FRYL: variants seen among roughly 807,000 people sequenced by gnomAD.
The protein encoded by FRYL is FRY like transcription coactivator.
In FRYL, 150 loss-of-function variants were observed where a neutral mutation model predicts 351.2. The ratio of observed to expected loss-of-function variants is 0.43; its 90% CI spans 0.37 to 0.49. The LOEUF (loss-of-function observed/expected upper bound fraction) is 0.49, where lower values mean the gene tolerates loss of function less well. FRYL is among the 20% of genes least tolerant of loss of function. The pLI, the probability that FRYL is intolerant of heterozygous loss-of-function variation, is 0.00. For synonymous variants in FRYL, 1,153 were observed against 1,257.1 expected (o/e 0.92, Z 1.75); for missense variants, 3,036 against 3,619.3 (o/e 0.84, Z 4.13).
rs746710034 is a variant in FRYL at position 48,528,296 on chromosome 4, G to A, written c.6944C>T (p.Ala2315Val). The A allele has an allele frequency of 4.3e-6, 7 of 1,613,006 alleles. No individual in the cohort carries two copies. Among genetic ancestry groups the A allele is most frequent in the African/African-American group, 2.7e-5 (2 of 74,854 alleles). The change falls in exon 51 of 64, where the codon GCG becomes GTG. Residue 2315 changes from alanine to valine, a missense_variant. Around this residue, in one of 7 missense-constraint regions of FRYL, gnomAD observed 1,987 missense variants for 2,311.7 expected, o/e 0.86. Coordinates refer to ENST00000358350, the MANE Select transcript of FRYL (RefSeq NM_015030.2). Reference sequence around the variant, plus strand: ...TTTTGGTTTCCCATTTCTTCCAGCCGCACTGTGCTGATCACCATATTTGTT... The same window carrying A: ...TTTTGGTTTCCCATTTCTTCCAGCCACACTGTGCTGATCACCATATTTGTT... ...IGNKYGDQHSAAGRNGKPKVI... is the reference protein window; with the variant it reads ...IGNKYGDQHSVAGRNGKPKVI...
At chr4:48,580,719 T>C (rs1740700542) in intron 22 of FRYL, 146 bp downstream of exon 22, 3 of 522,286 alleles carry the variant, frequency 5.7e-6, no homozygotes, top group Non-Finnish European at 1.0e-5. Flanking sequence ...GTACTACTCT[T>C]AAGCATTTTC....
intron 1 of FRYL, among the ~76,000 whole-genome samples, chr4:48,756,475 T>C (rs747907518): frequency 3.9e-5 from 6 of 152,172 alleles, no homozygotes; most frequent in Non-Finnish European, 5.9e-5. Flanking sequence ...AGCCATCTGT[T>C]GTTTGGTATT....
intron 3 of FRYL, among the ~76,000 whole-genome samples, chr4:48,647,870 T>A (rs1427919021): frequency 6.6e-6 from 1 of 152,134 alleles, no homozygotes; most frequent in African/African-American, 2.4e-5. Context: ...AAGCAATAGG[T>A]GATTCTTTTC....
At chr4:48,524,317 G>A (rs1001920946) in intron 53 of FRYL, among the ~76,000 whole-genome samples, 1 of 151,862 alleles carries the variant, frequency 6.6e-6, no homozygotes, top group African/African-American at 2.4e-5. Context: ...CTTTGAATCT[G>A]TCCCGGCTGT....
chr4:48,752,994 G>C (rs150978277), intron 1 of FRYL, among the ~76,000 whole-genome samples: 20 of 152,250 alleles, frequency 1.3e-4, no homozygotes, highest in African/African-American at 4.8e-4. Flanking sequence ...TTAGGTGGTT[G>C]AGGGGTCGGG....
At chr4:48,586,773 T>G (rs764939459) in intron 18 of FRYL, 45 bp from the exon 19 acceptor site, 1 of 1,283,968 alleles carries the variant, frequency 7.8e-7, no homozygotes, top group Non-Finnish European at 1.1e-6. Context: ...TTACATATGC[T>G]AGACAATGAA....
chr4:48,625,460 G>A (rs549561021), intron 4 of FRYL, among the ~76,000 whole-genome samples: 17 of 152,146 alleles, frequency 1.1e-4, no homozygotes, highest in African/African-American at 4.1e-4. Context: ...AACCAACCTT[G>A]GATCAAAAGC....
chr4:48,653,890 C>T (rs1758238585), intron 3 of FRYL: 2 of 1,265,114 alleles, frequency 1.6e-6, no homozygotes, highest in Non-Finnish European at 2.0e-6. Flanking sequence ...GCCGCTGTCC[C>T]TTCTCTTCTC....
At chr4:48,689,924 TCA>T (rs1472163173) in intron 2 of FRYL, among the ~76,000 whole-genome samples, 1 of 148,726 alleles carries the variant, frequency 6.7e-6, no homozygotes, top group African/African-American at 2.5e-5. Flanking sequence ...AGACGGAGTC[TCA>T]CTCTTTGTCA....
Position 48,499,268 on chromosome 4 carries a change from A to ATCTT in FRYL, c.*150_*153dup. On this transcript the variant is annotated 3_prime_UTR_variant, in exon 64 of 64. Transcript: ENST00000358350. ...AATATCAGATGTTTTTTTCTTTCAGATCTTTGTTTTTGATGATACAGTTTG... is the reference window on the plus strand; with the variant it reads ...AATATCAGATGTTTTTTTCTTTCAGATCTTTCTTTGTTTTTGATGATACAGTTTG... 1.5e-6 allele frequency: 1 copy of ATCTT among 645,528 alleles called. No homozygotes were observed. The highest frequency in any genetic ancestry group is 2.7e-6 in the Non-Finnish European group (1 of 374,024). 40.0% of individuals were successfully genotyped at this position (645,528 alleles called of 1,614,324 possible).
chr4:48,670,692 T>G (rs1400025912), intron 3 of FRYL, among the ~76,000 whole-genome samples: 3 of 152,122 alleles, frequency 2.0e-5, no homozygotes, highest in Non-Finnish European at 4.4e-5. Context: ...AGTGAAAACA[T>G]GTGAAGTCTG....
chr4:48,511,171 A>G (rs1267833885), intron 57 of FRYL, among the ~76,000 whole-genome samples, 187 bp from the exon 58 acceptor site: 1 of 152,232 alleles, frequency 6.6e-6, no homozygotes, highest in East Asian at 1.9e-4. Flanking sequence ...CTAAAAAGAA[A>G]CAAAAATTTA....
intron 7 of FRYL, among the ~76,000 whole-genome samples, chr4:48,612,032 A>G (rs185166582): frequency 3.9e-5 from 6 of 152,322 alleles, no homozygotes; most frequent in Admixed American, 3.3e-4. Flanking sequence ...GCTAAAGGCA[A>G]TTGAGAAACA....
chr4:48,655,191 G>C (rs1758573050), intron 3 of FRYL, among the ~76,000 whole-genome samples: 1 of 152,120 alleles, frequency 6.6e-6, no homozygotes, highest in Non-Finnish European at 1.5e-5. Flanking sequence ...GGGGTCATTT[G>C]AAGGTATATT....
At chr4:48,686,893 C>T (rs1383998645) in intron 2 of FRYL, among the ~76,000 whole-genome samples, 1 of 152,202 alleles carries the variant, frequency 6.6e-6, no homozygotes, top group Non-Finnish European at 1.5e-5. Context: ...AGACACACAA[C>T]CTTGCTATTT....
intron 59 of FRYL, among the ~76,000 whole-genome samples, chr4:48,507,485 A>C (rs1276375238): frequency 1.3e-5 from 2 of 152,062 alleles, no homozygotes; most frequent in Non-Finnish European, 2.9e-5. Flanking sequence ...CAATCCTGCA[A>C]GGACAATGAT....
chr4:48,717,995 A>G (rs1769054878), intron 1 of FRYL, among the ~76,000 whole-genome samples: 1 of 151,686 alleles, frequency 6.6e-6, no homozygotes, highest in South Asian at 2.1e-4. Context: ...ATATAATGAG[A>G]AAAGCATTGA....
chr4:48,680,876 T>C (rs1189703737), intron 3 of FRYL: 1 of 667,742 alleles, frequency 1.5e-6, no homozygotes, highest in Non-Finnish European at 2.0e-6. Flanking sequence ...AAAATAGTTT[T>C]ACTTTCCTAA....
Position 48,564,875 on chromosome 4 carries a change from AC to A in FRYL, c.3441+57del, listed in dbSNP as rs1213480227. The A allele has an allele frequency of 5.5e-6, 5 of 912,408 alleles. No homozygotes were observed. The African/African-American group carries it at 8.4e-5, about 15-fold the overall frequency. The allele number at this position is 912,408 out of a possible 1,614,324, so 56.5% of individuals were successfully genotyped here. On this transcript the variant is annotated intron_variant, in intron 30 of 63. Coordinates refer to ENST00000358350, the MANE Select transcript of FRYL (RefSeq NM_015030.2). ...CTTGTTTTTAGTGCAACATACATTA[AC>A]TGCAAATAATACAATGACAACTTAT...
Sources: gnomAD v4.1 joint callset for allele counts (sites outside exome capture counted in the v4.1 genomes callset) on GRCh38, gnomAD v4.1.1 for gene constraint, gnomAD v4.1.1 regional missense constraint, MANE v1.5 for transcripts, NCBI Gene and HGNC (gene_info 2026-07-23, HGNC 2026-07-21) for gene names.